The following MLLT3 variants were observed in gnomAD, a reference collection of about 807,000 sequenced individuals.
MLLT3 encodes the protein MLLT3 super elongation complex subunit.
In MLLT3, 4 loss-of-function variants were observed where a neutral mutation model predicts 53.2. That is an observed-to-expected ratio of 0.08 (90% CI 0.04 to 0.17). The LOEUF (loss-of-function observed/expected upper bound fraction) is 0.17, where lower values mean the gene tolerates loss of function less well. MLLT3 is among the 10% of genes least tolerant of loss of function. The pLI is 1.00. For missense variants in MLLT3, 569 were observed against 684.0 expected (o/e 0.83, Z 1.87); for synonymous variants, 283 against 230.6 (o/e 1.23, Z -2.06).
Position 20,620,544 on chromosome 9 carries a change from C to G in MLLT3, c.193+110G>C, listed in dbSNP as rs1820972412. On this transcript the variant is annotated intron_variant, in intron 2 of 10. Coordinates refer to ENST00000380338, the MANE Select transcript of MLLT3 (RefSeq NM_004529.4). The surrounding 1 kb of genome is among the most constrained non-coding windows in gnomAD (Gnocchi z 6.1). Reference sequence around the variant, plus strand: ...GCCGCGCACCCGGATCCCGAGGCTACGCCGGCGAGCGCGGCGCGGGGGGCG... The same window carrying G: ...GCCGCGCACCCGGATCCCGAGGCTAGGCCGGCGAGCGCGGCGCGGGGGGCG... 3 of 987,804 alleles carry G rather than the reference C, an allele frequency of 3.0e-6. 1 individual carries two copies. In the South Asian group the frequency reaches 8.3e-5, roughly 27 times the overall value. The allele number at this position is 987,804 out of a possible 1,614,324, so 61.2% of individuals were successfully genotyped here. A position where few individuals can be genotyped will look rare whatever the true frequency, so the allele number is the denominator to read the frequency against.
chr9:20,530,162 T>C (rs1179837662), intron 2 of MLLT3, among the ~76,000 whole-genome samples: 3 of 152,212 alleles, frequency 2.0e-5, no homozygotes, highest in Non-Finnish European at 4.4e-5. Flanking sequence ...TTGATTAGTA[T>C]GATGAATAAC....
chr9:20,369,986 T>C (rs964959301), intron 5 of MLLT3, among the ~76,000 whole-genome samples: 10 of 152,206 alleles, frequency 6.6e-5, no homozygotes, highest in Non-Finnish European at 1.5e-4. Context: ...CTTCTTAATA[T>C]AACACCTGTT....
chr9:20,414,518 C>T, intron 4 of MLLT3, 93 bp from the exon 5 acceptor site: 1 of 1,550,464 alleles, frequency 6.4e-7, no homozygotes, highest in Non-Finnish European at 8.7e-7. Flanking sequence ...TCTTTGATTC[C>T]TCTCAAGCTA....
intron 2 of MLLT3, among the ~76,000 whole-genome samples, chr9:20,552,329 G>T (rs548627512): frequency 1.3e-5 from 2 of 152,264 alleles, no homozygotes; most frequent in African/African-American, 2.4e-5. Flanking sequence ...GTAGATACAA[G>T]GTAGAGTTCA....
chr9:20,611,200 A>G (rs1000432899), intron 2 of MLLT3, among the ~76,000 whole-genome samples: 5 of 152,138 alleles, frequency 3.3e-5, no homozygotes, highest in African/African-American at 9.7e-5. Context: ...GATACCTGGA[A>G]TAATCAGACA....
intron 4 of MLLT3, among the ~76,000 whole-genome samples, chr9:20,416,257 G>T (rs190673939): frequency 6.6e-6 from 1 of 151,806 alleles, no homozygotes; most frequent in Non-Finnish European, 1.5e-5. Context: ...TTGAAAATTT[G>T]CAATCAGTAT....
rs145509255 is a variant in MLLT3, at chr9:20,517,220, T to C, written c.194-60434A>G. ...CAGAAAAGGAAAAGCTATATTGAGA[T>C]TTTTACAAGGTATTGGCCAACAGTT... is the stretch of plus-strand genomic sequence containing the variant. On this transcript the variant is annotated intron_variant, in intron 2 of 10. Coordinates refer to ENST00000380338, the MANE Select transcript of MLLT3 (RefSeq NM_004529.4). Among the ~76,000 whole-genome samples, 757 of 152,096 alleles carry C rather than the reference T, an allele frequency of 5.0e-3. 4 individuals carry two copies. Among genetic ancestry groups the C allele is most frequent in the African/African-American group, 0.016 (669 of 41,478 alleles).
At position 20,448,411 on chromosome 9, in the gene MLLT3, A is replaced by G; in HGVS notation, c.277-145T>C. On this transcript the variant is annotated intron_variant, in intron 3 of 10. Coordinates refer to ENST00000380338, the MANE Select transcript of MLLT3 (RefSeq NM_004529.4). This position sits in a 1 kb window ranked among gnomAD's most constrained non-coding sequence, Gnocchi z 4.0. ...GTCAAAGTAGTACTGGGAAAAAAAA[A>G]AGTATCATGGAATCATCAGTGAAAC... 1 of 624,574 alleles carries G rather than the reference A, an allele frequency of 1.6e-6. No homozygotes were observed. Among genetic ancestry groups the G allele is most frequent in the Non-Finnish European group, 2.6e-6 (1 of 384,796 alleles). The allele number at this position is 624,574 out of a possible 1,614,324, so 38.7% of individuals were successfully genotyped here. A position where few individuals can be genotyped will look rare whatever the true frequency, so the allele number is the denominator to read the frequency against.
chr9:20,596,183 T>TGA (rs1454381528), intron 2 of MLLT3, among the ~76,000 whole-genome samples: 1 of 152,202 alleles, frequency 6.6e-6, no homozygotes, highest in Non-Finnish European at 1.5e-5. Flanking sequence ...TTGCCTCCAT[T>TGA]GAACTTTCTT....
intron 2 of MLLT3, among the ~76,000 whole-genome samples, chr9:20,525,893 T>C (rs908950969): frequency 6.6e-6 from 1 of 152,202 alleles, no homozygotes; most frequent in Non-Finnish European, 1.5e-5. Flanking sequence ...TAAGAATTTA[T>C]TGAAAATTAT....
intron 6 of MLLT3, among the ~76,000 whole-genome samples, chr9:20,364,568 C>T (rs994128512): frequency 6.6e-6 from 1 of 152,210 alleles, no homozygotes; most frequent in African/African-American, 2.4e-5. Flanking sequence ...TGACTCCCTA[C>T]AATCTCACAT....
At chr9:20,489,167 G>C (rs946623598) in intron 2 of MLLT3, among the ~76,000 whole-genome samples, 1 of 152,062 alleles carries the variant, frequency 6.6e-6, no homozygotes, top group Admixed American at 6.6e-5. Flanking sequence ...GAGAGCGGGT[G>C]GAAGGGTAGA....
chr9:20,401,925 G>A (rs1426486978), intron 5 of MLLT3, among the ~76,000 whole-genome samples: 1 of 152,178 alleles, frequency 6.6e-6, no homozygotes, highest in Non-Finnish European at 1.5e-5. Context: ...TCTGTTTCAA[G>A]TACCTGTTGA....
At chr9:20,473,489 A>G (rs1824445620) in intron 2 of MLLT3, among the ~76,000 whole-genome samples, 1 of 152,134 alleles carries the variant, frequency 6.6e-6, no homozygotes, top group Admixed American at 6.6e-5. Context: ...TAACAACACT[A>G]GAGGTACGTC....
At chr9:20,354,406 T>A (rs1821113163) in intron 9 of MLLT3, among the ~76,000 whole-genome samples, 1 of 152,216 alleles carries the variant, frequency 6.6e-6, no homozygotes, top group African/African-American at 2.4e-5. Flanking sequence ...CCAGGCAACT[T>A]AACCCCACCA....
chr9:20,494,854 T>C (rs1472941688), intron 2 of MLLT3, among the ~76,000 whole-genome samples: 1 of 152,198 alleles, frequency 6.6e-6, no homozygotes, highest in Non-Finnish European at 1.5e-5. Context: ...AACTGTTTTA[T>C]TAATTTTACA....
At chr9:20,579,833 A>G (rs1322945877) in intron 2 of MLLT3, among the ~76,000 whole-genome samples, 3 of 152,198 alleles carry the variant, frequency 2.0e-5, no homozygotes, top group African/African-American at 2.4e-5. Context: ...CACAGAGCTC[A>G]GTATGGGATG....
chr9:20,448,329 C>A lies in MLLT3; in HGVS notation c.277-63G>T. 6.8e-7 allele frequency: 1 copy of A among 1,471,554 alleles called. No homozygotes were observed. Among genetic ancestry groups the A allele is most frequent in the Non-Finnish European group, 9.4e-7 (1 of 1,069,046 alleles). The allele number at this position is 1,471,554 out of a possible 1,614,324, so 91.2% of individuals were successfully genotyped here. On this transcript the variant is annotated intron_variant, in intron 3 of 10. Transcript: ENST00000380338. The surrounding 1 kb of genome is among the most constrained non-coding windows in gnomAD (Gnocchi z 4.0). ...TGAGGCATAAGTGAAATTTTAAAAG[C>A]AAAAATTTACTCCTCATAAGAAATA...
intron 2 of MLLT3, among the ~76,000 whole-genome samples, chr9:20,507,724 T>C (rs1825417032): frequency 7.0e-6 from 1 of 143,710 alleles, no homozygotes; most frequent in African/African-American, 2.6e-5. Flanking sequence ...AAATGTCATG[T>C]AGTCTATTCC....
Sources: gnomAD v4.1 joint callset for allele counts (sites outside exome capture counted in the v4.1 genomes callset) on GRCh38, gnomAD v4.1.1 for gene constraint, Gnocchi (gnomAD v3.1) non-coding constraint, MANE v1.5 for transcripts, NCBI Gene and HGNC (gene_info 2026-07-23, HGNC 2026-07-21) for gene names.